The following TMEM176B variants were observed in gnomAD, a reference collection of about 807,000 sequenced individuals.
TMEM176B encodes transmembrane protein 176B.
TMEM176B carries 28 observed loss-of-function variants against 30.3 expected under a neutral mutation model. The ratio of observed to expected loss-of-function variants is 0.92; its 90% CI spans 0.68 to 1.27. The LOEUF is 1.27. Among genes scored for constraint, TMEM176B ranks in the 50% most tolerant of loss-of-function variants. TMEM176B has a pLI of 0.00. For synonymous variants in TMEM176B, 123 were observed against 130.3 expected, an observed-to-expected ratio of 0.94 and a Z score of 0.38; for missense variants, 349 against 327.4, an observed-to-expected ratio of 1.07 and a Z score of -0.51.
upstream of TMEM176B, chr7:150,800,950 G>A (rs1430756104): frequency 1.0e-6 from 1 of 985,832 alleles, no homozygotes; most frequent in Non-Finnish European, 1.2e-6. Flanking sequence ...TCCAGGAAGG[G>A]GACTGCAGAG....
At position 150,793,146 on chromosome 7, in the gene TMEM176B, C is replaced by T. The variant is rs772939068; in HGVS notation, c.542G>A (p.Arg181Gln). 1.2e-5 allele frequency: 20 copies of T among 1,614,070 alleles called. No individual in the cohort carries two copies. The highest frequency in any genetic ancestry group is 8.9e-5 in the East Asian group (4 of 44,884). The change falls in exon 5 of 7, where the codon CGA (arginine) becomes CAA (glutamine). Residue 181 changes from arginine to glutamine, a missense_variant. Physicochemically the swap from Arg to Gln is conservative, Grantham distance 43 (BLOSUM62 1). Transcript: ENST00000326442. ...CTTCTGCCATTGGTTCTCTTGACTT[C>T]GCCGCATCCATCTGTACCCAGTGGT... ...FPTTGYRWMR[R>Q]SQENQWQKEE...
At chr7:150,798,656 C>T (rs1054601071) in intron 1 of TMEM176B, among the ~76,000 whole-genome samples, 5 of 152,160 alleles carry the variant, frequency 3.3e-5, no homozygotes, top group African/African-American at 1.2e-4. Flanking sequence ...AAGCAATCCT[C>T]CCACCTCAGC....
rs1482136867 is a variant in TMEM176B, at chr7:150,794,000, C to T, written c.276G>A (p.Val92=). The T allele has an allele frequency of 6.2e-7, 1 of 1,613,854 alleles. No homozygotes were observed. The highest frequency in any genetic ancestry group is 8.5e-7 in the Non-Finnish European group (1 of 1,179,896). ...GVCLSLGPWT[V]LSASGCAFWA... Reference sequence around the variant, plus strand: ...AGAAGGCACAGCCTGAGGCACTCAGCACAGTCCAGGGCCCCAAGCTGAGAC... The same window carrying T: ...AGAAGGCACAGCCTGAGGCACTCAGTACAGTCCAGGGCCCCAAGCTGAGAC... The change falls in exon 3 of 7, where the codon GTG becomes GTA. Residue 92 remains valine (V), a synonymous_variant. Coordinates refer to ENST00000326442, the MANE Select transcript of TMEM176B (RefSeq NM_001101312.2).
At chr7:150,798,564 C>T (rs1303432244) in intron 1 of TMEM176B, among the ~76,000 whole-genome samples, 4 of 151,358 alleles carry the variant, frequency 2.6e-5, no homozygotes, top group African/African-American at 4.8e-5. Flanking sequence ...CGTGAGCCAC[C>T]GCGCCCGGCC....
intron 1 of TMEM176B, among the ~76,000 whole-genome samples, chr7:150,797,520 A>G (rs1284060258): frequency 6.6e-6 from 1 of 152,256 alleles, no homozygotes; most frequent in Non-Finnish European, 1.5e-5. Context: ...TGAGGTGATC[A>G]TCCTTGGCTA....
Position 150,791,683 on chromosome 7 carries a change from A to T in TMEM176B, c.721-60T>A, listed in dbSNP as rs115050020. On this transcript the variant is annotated intron_variant, in intron 6 of 6. Coordinates refer to ENST00000326442, the MANE Select transcript of TMEM176B (RefSeq NM_001101312.2). The stretch of plus-strand genomic sequence containing the variant: ...AAAGGATGCAGGCAGAGTTAGTATC[A>T]TAGAACTCAGAAAGCAGAAAGAGGA... 2,514 of 1,458,446 alleles carry T rather than the reference A, an allele frequency of 1.7e-3. 33 individuals carry two copies. The African/African-American group carries it at 0.031, about 18-fold the overall frequency. The allele number at this position is 1,458,446 out of a possible 1,614,324, so 90.3% of individuals were successfully genotyped here. A position where few individuals can be genotyped will look rare whatever the true frequency, so the allele number is the denominator to read the frequency against.
At chr7:150,796,225 A>G (rs1304947686) in intron 2 of TMEM176B, 141 bp downstream of exon 2, 1 of 706,618 alleles carries the variant, frequency 1.4e-6, no homozygotes, top group African/African-American at 1.8e-5. Flanking sequence ...ACTGGAGACC[A>G]CCTGGTCTGT....
upstream of TMEM176B, chr7:150,800,796 C>A: frequency 2.4e-6 from 1 of 411,534 alleles, no homozygotes; most frequent in Non-Finnish European, 3.3e-6. Flanking sequence ...CCCAGCCCTC[C>A]CGCCGCCCGC....
chr7:150,794,953 C>T lies in TMEM176B; in HGVS notation c.205-882G>A, dbSNP rs116505141. On this transcript the variant is annotated intron_variant, in intron 2 of 6. Coordinates refer to ENST00000326442, the MANE Select transcript of TMEM176B (RefSeq NM_001101312.2). Reference sequence around the variant, plus strand: ...CACACACACACACACACACACCTCTCGAATGGCTGCTCCTCCTGACTTTCA... The same window carrying T: ...CACACACACACACACACACACCTCTTGAATGGCTGCTCCTCCTGACTTTCA... Among the ~76,000 whole-genome samples, 430 of 146,248 alleles carry T rather than the reference C, an allele frequency of 2.9e-3. 4 individuals are homozygous for T. The highest frequency in any genetic ancestry group is 0.01 in the African/African-American group (407 of 40,166).
rs60909345 is a variant in TMEM176B at position 150,793,222 on chromosome 7, G to C, written c.466C>G (p.Pro156Ala). Residue 156 changes from proline (P) to alanine (A), a missense_variant, in exon 5 of 7, where the codon CCC becomes GCC. Transcript: ENST00000326442. ...CVNSFIWQTE[P>A]FLYIDTVCDR... ...CACACAGTGTCGATGTATAAAAAGG[G>C]TTCAGTTTGCCAGATGAAGCTATTC... The C allele has an allele frequency of 2.7e-3, 4,431 of 1,614,206 alleles. 57 individuals carry two copies. The highest frequency in any genetic ancestry group is 0.018 in the South Asian group (1,613 of 91,090).
chr7:150,796,722 G>A (rs1798544107), intron 1 of TMEM176B, 148 bp from the exon 2 acceptor site: 3 of 767,446 alleles, frequency 3.9e-6, no homozygotes, highest in African/African-American at 1.7e-5. Context: ...GCTTTGGGAG[G>A]CTGAGGTGGG....
In TMEM176B at chr7:150,796,504, G is replaced by A. The variant is rs750327842; in HGVS notation, c.66C>T (p.His22=). The stretch of plus-strand genomic sequence containing the variant: ...ACTCCTGGTGGATGTGGACGTTGAC[G>A]TGGGTGGGCTGGGATGGCCTAGAGG... ...AMASRPSQPT[H]VNVHIHQESA... is the part of the protein sequence containing the mutation. Residue 22 remains histidine, a synonymous_variant, in exon 2 of 7, where the codon CAC becomes CAT. Coordinates refer to ENST00000326442, the MANE Select transcript of TMEM176B (RefSeq NM_001101312.2). 27 of 1,614,104 alleles carry A rather than the reference G, an allele frequency of 1.7e-5. No individual in the cohort carries two copies. The highest frequency in any genetic ancestry group is 1.6e-4 in the Middle Eastern group (1 of 6,080).
At chr7:150,801,288 G>C (rs1414899013), upstream of TMEM176B, 1 of 429,510 alleles carries the variant, frequency 2.3e-6, no homozygotes, top group Non-Finnish European at 4.1e-6. Flanking sequence ...GGATGAGGGG[G>C]ACAGAGCAGA....
At chr7:150,796,691 G>A in intron 1 of TMEM176B, 117 bp from the exon 2 acceptor site, 2 of 1,000,570 alleles carry the variant, frequency 2.0e-6, no homozygotes, top group Non-Finnish European at 3.0e-6. Flanking sequence ...GGGCACAATA[G>A]CTCACGCCTG....
intron 1 of TMEM176B, among the ~76,000 whole-genome samples, chr7:150,797,471 G>GT: frequency 6.6e-6 from 1 of 152,188 alleles, no homozygotes; most frequent in Admixed American, 6.5e-5. Context: ...GAAGACAAAG[G>GT]TTTTTAAAGG....
intron 1 of TMEM176B, among the ~76,000 whole-genome samples, chr7:150,798,874 C>T (rs188233517): frequency 3.3e-5 from 5 of 152,052 alleles, no homozygotes; most frequent in African/African-American, 2.4e-5. Flanking sequence ...ACAAAATTAC[C>T]GTTTGTGATA....
Position 150,792,138 on chromosome 7 carries a change from A to G in TMEM176B, c.638T>C (p.Val213Ala), listed in dbSNP as rs191629985. Residue 213 changes from valine (V) to alanine (A), a missense_variant, in exon 6 of 7, where the codon GTC becomes GCC. Val to Ala is a moderately conservative substitution (Grantham distance 64). Coordinates refer to ENST00000326442, the MANE Select transcript of TMEM176B (RefSeq NM_001101312.2). Reference protein sequence around the residue: ...FTAIRALFLAVCVLKVIVSLV... With the variant: ...FTAIRALFLAACVLKVIVSLV... ...GGACACAATGACCTTCAAGACACAG[A>G]CAGCCAGGAACAGGGCACGGATTGC... is the stretch of plus-strand genomic sequence containing the variant. 6 of 1,613,990 alleles carry G rather than the reference A, an allele frequency of 3.7e-6. No individual in the cohort carries two copies. The East Asian group carries it at 1.1e-4, about 30-fold the overall frequency.
At chr7:150,800,993 C>T (rs1486852155), upstream of TMEM176B, 2 of 985,748 alleles carry the variant, frequency 2.0e-6, no homozygotes, top group Non-Finnish European at 2.4e-6. Flanking sequence ...TTTGACCTAC[C>T]TCCGCACCGC....
chr7:150,791,661 G>A, intron 6 of TMEM176B, 38 bp from the exon 7 acceptor site: 1 of 1,571,806 alleles, frequency 6.4e-7, no homozygotes, highest in Non-Finnish European at 8.7e-7. Flanking sequence ...TAGGGGAAAA[G>A]GATGCAGGCA....
Sources: allele counts gnomAD v4.1 joint callset (sites outside exome capture counted in the v4.1 genomes callset), GRCh38; gene constraint gnomAD v4.1.1; transcripts MANE v1.5; gene names NCBI Gene and HGNC (gene_info 2026-07-23, HGNC 2026-07-21).